The following PCSK2 variants were observed in gnomAD, a reference collection of about 807,000 sequenced individuals.
PCSK2 encodes the protein neuroendocrine convertase 2.
PCSK2 carries 14 observed loss-of-function variants against 69.7 expected under a neutral mutation model. That is an observed-to-expected ratio of 0.20 (90% CI 0.13 to 0.31). The LOEUF is 0.31. PCSK2 is among the 10% of genes least tolerant of loss of function. The probability of loss-of-function intolerance (pLI) is 1.00; values close to 1 mark genes in which losing one functional copy is unlikely to be tolerated. For synonymous variants in PCSK2, 307 were observed against 320.7 expected (o/e 0.96, Z 0.46); for missense variants, 544 against 842.5 (o/e 0.65, Z 4.39).
chr20:17,309,122 A>G (rs1424892829), intron 2 of PCSK2, among the ~76,000 whole-genome samples: 2 of 152,142 alleles, frequency 1.3e-5, no homozygotes, highest in Non-Finnish European at 2.9e-5. Context: ...GAAAAGATTG[A>G]CCAGAGACAG....
At position 17,353,313 on chromosome 20, in the gene PCSK2, A is replaced by T. The variant is rs1322190337; in HGVS notation, c.283-5014A>T. On this transcript the variant is annotated intron_variant, in intron 2 of 11. Transcript: ENST00000262545. ...CTGTCTCCAAAAAAAATACAAAAAA[A>T]AATTAGCTGGGCGTGGTGGCACACG... is the stretch of plus-strand genomic sequence containing the variant. Among the ~76,000 whole-genome samples the T allele has an allele frequency of 2.0e-5, 3 of 152,052 alleles. 1 individual carries two copies. The South Asian group carries it at 6.2e-4, about 32-fold the overall frequency.
At chr20:17,345,043 G>T (rs1990613749) in intron 2 of PCSK2, among the ~76,000 whole-genome samples, 1 of 152,184 alleles carries the variant, frequency 6.6e-6, no homozygotes, top group Non-Finnish European at 1.5e-5. Context: ...TGGATGTGTT[G>T]CCCTTCCCAG....
intron 1 of PCSK2, chr20:17,228,220 G>C (rs1184157212): frequency 1.3e-5 from 2 of 152,290 alleles, no homozygotes; most frequent in Non-Finnish European, 2.9e-5. Context: ...CCTGATGCGT[G>C]GGCGGCCAGC....
intron 2 of PCSK2, among the ~76,000 whole-genome samples, chr20:17,319,456 T>C (rs565136325): frequency 6.6e-6 from 1 of 152,206 alleles, no homozygotes; most frequent in South Asian, 2.1e-4. Context: ...GTCTGGGAGG[T>C]GCAAGGGATT....
intron 5 of PCSK2, among the ~76,000 whole-genome samples, chr20:17,372,428 TAAAA>T (rs572809910): frequency 5.9e-4 from 84 of 142,902 alleles, no homozygotes; most frequent in East Asian, 4.0e-3. Flanking sequence ...AATAAATAAA[TAAAA>T]ATAAAAGATT....
At chr20:17,284,776 G>A (rs530590445) in intron 2 of PCSK2, among the ~76,000 whole-genome samples, 28 of 152,268 alleles carry the variant, frequency 1.8e-4, no homozygotes, top group Non-Finnish European at 3.2e-4. Context: ...GTCTCCCCAA[G>A]GAGTTTGGGG....
intron 2 of PCSK2, among the ~76,000 whole-genome samples, chr20:17,307,561 G>A (rs192813732): frequency 1.4e-4 from 21 of 152,230 alleles, no homozygotes; most frequent in Admixed American, 4.6e-4. Context: ...TCAACTATCC[G>A]CGTTTTTACA....
intron 1 of PCSK2, among the ~76,000 whole-genome samples, chr20:17,238,592 T>A (rs559120320): frequency 1.3e-5 from 2 of 152,146 alleles, no homozygotes; most frequent in African/African-American, 2.4e-5. Flanking sequence ...ATTATTGATA[T>A]CACTGAACCA....
intron 2 of PCSK2, among the ~76,000 whole-genome samples, chr20:17,299,191 C>T (rs62202214): frequency 1.3e-5 from 2 of 151,948 alleles, no homozygotes; most frequent in African/African-American, 2.4e-5. Context: ...TTTTCACATG[C>T]GATCATTTTA....
chr20:17,288,088 A>G (rs1988579138), intron 2 of PCSK2, among the ~76,000 whole-genome samples: 1 of 152,014 alleles, frequency 6.6e-6, no homozygotes, highest in African/African-American at 2.4e-5. Flanking sequence ...GCCCTTCCCC[A>G]CTTCCCATTC....
Position 17,430,858 on chromosome 20 carries a change from G to A in PCSK2, c.709+1335G>A, listed in dbSNP as rs566716233. 9.9e-4 allele frequency among the ~76,000 whole-genome samples: 150 copies of A among 152,254 alleles called. 1 individual carries two copies. The highest frequency in any genetic ancestry group is 3.3e-3 in the African/African-American group (136 of 41,548). On this transcript the variant is annotated intron_variant, in intron 7 of 11. Coordinates refer to ENST00000262545, the MANE Select transcript of PCSK2 (RefSeq NM_002594.5). ...ACACACCCAAGGTAACTGGTTTTTG[G>A]AACAAAGTAAAATGACCACCTGCAA... is the stretch of plus-strand genomic sequence containing the variant.
chr20:17,352,644 G>T (rs755000872), intron 2 of PCSK2, among the ~76,000 whole-genome samples: 11 of 152,146 alleles, frequency 7.2e-5, no homozygotes, highest in African/African-American at 2.7e-4. Flanking sequence ...CTGTCTAGCC[G>T]TATGCAGAAG....
intron 2 of PCSK2, among the ~76,000 whole-genome samples, chr20:17,345,109 T>C (rs1990615406): frequency 6.6e-6 from 1 of 152,238 alleles, no homozygotes; most frequent in African/African-American, 2.4e-5. Context: ...GGATAATGAG[T>C]GCTCAAAACT....
intron 1 of PCSK2, among the ~76,000 whole-genome samples, chr20:17,255,480 T>C (rs1328727329): frequency 6.6e-6 from 1 of 152,126 alleles, no homozygotes; most frequent in African/African-American, 2.4e-5. Context: ...TAGCTGGGAC[T>C]ACAGGAGCCT....
At chr20:17,478,789 G>A (rs546115465) in intron 11 of PCSK2, among the ~76,000 whole-genome samples, 47 of 152,160 alleles carry the variant, frequency 3.1e-4, no homozygotes, top group African/African-American at 1.0e-3. Flanking sequence ...ATCACCTTAC[G>A]TACAAAATAT....
chr20:17,373,803 G>T (rs556860225), intron 5 of PCSK2, among the ~76,000 whole-genome samples: 26 of 152,276 alleles, frequency 1.7e-4, no homozygotes, highest in Admixed American at 7.2e-4. Context: ...TTGGAAAATT[G>T]CAAATCAATA....
intron 2 of PCSK2, among the ~76,000 whole-genome samples, chr20:17,336,501 C>A (rs2123162913): frequency 6.6e-6 from 1 of 152,266 alleles, no homozygotes; most frequent in Non-Finnish European, 1.5e-5. Flanking sequence ...ATTTTCTTTT[C>A]TACCTTTTTG....
intron 2 of PCSK2, among the ~76,000 whole-genome samples, chr20:17,285,695 A>G (rs1165549360): frequency 1.3e-5 from 2 of 152,258 alleles, no homozygotes; most frequent in Non-Finnish European, 2.9e-5. Context: ...AGGAAGTGCC[A>G]AAACATGTAC....
intron 8 of PCSK2, among the ~76,000 whole-genome samples, chr20:17,443,434 C>T (rs568102734): frequency 5.3e-5 from 8 of 152,262 alleles, no homozygotes; most frequent in African/African-American, 1.9e-4. Context: ...AGCCTGTTTC[C>T]TTATTGCATT....
Sources: allele counts gnomAD v4.1 joint callset (sites outside exome capture counted in the v4.1 genomes callset), GRCh38; gene constraint gnomAD v4.1.1; transcripts MANE v1.5; gene names NCBI Gene and HGNC (gene_info 2026-07-23, HGNC 2026-07-21).